Variants in PPP1R12A observed in about 807,000 individuals in gnomAD.
The protein encoded by PPP1R12A is protein phosphatase 1 regulatory subunit 12A.
Under a neutral mutation model 139.6 loss-of-function variants are expected in PPP1R12A, and 19 were observed. The ratio of observed to expected loss-of-function variants is 0.14; its 90% CI spans 0.09 to 0.20. The LOEUF is 0.20. Among genes scored for constraint, PPP1R12A ranks in the 10% least tolerant of loss-of-function variants. The pLI is 1.00. For synonymous variants in PPP1R12A, 427 were observed against 420.6 expected (o/e 1.02, Z -0.19); for missense variants, 925 against 1,211.5 (o/e 0.76, Z 3.51).
At chr12:79,821,038 A>G (rs1319834982) in intron 7 of PPP1R12A, 40 bp downstream of exon 7, 3 of 1,593,794 alleles carry the variant, frequency 1.9e-6, no homozygotes, top group African/African-American at 2.7e-5. Flanking sequence ...ATGCCAACTC[A>G]TTAACAAAAA....
At chr12:79,817,625 A>T in intron 8 of PPP1R12A, 107 bp from the exon 9 acceptor site, 2 of 1,126,656 alleles carry the variant, frequency 1.8e-6, no homozygotes, top group Non-Finnish European at 2.4e-6. Context: ...TTGTTAACTA[A>T]AAGTCTTTCC....
chr12:79,889,847 T>C (rs1355966722), intron 1 of PPP1R12A, among the ~76,000 whole-genome samples: 2 of 152,134 alleles, frequency 1.3e-5, no homozygotes, highest in Non-Finnish European at 2.9e-5. Flanking sequence ...CCATGTCCAG[T>C]GAAGGTCTGC....
chr12:79,830,586 T>C (rs970577781), intron 4 of PPP1R12A, among the ~76,000 whole-genome samples: 23 of 152,154 alleles, frequency 1.5e-4, no homozygotes, highest in Non-Finnish European at 2.8e-4. Context: ...CTAGTAAGAG[T>C]GCCTTTTCCT....
At chr12:79,922,090 CTAA>C (rs1230529751) in intron 1 of PPP1R12A, among the ~76,000 whole-genome samples, 2 of 152,012 alleles carry the variant, frequency 1.3e-5, no homozygotes, top group African/African-American at 2.4e-5. Context: ...GTCTCTACTA[CTAA>C]TAATAATGAT....
chr12:79,829,766 A>G (rs542350740), intron 4 of PPP1R12A, among the ~76,000 whole-genome samples: 1 of 152,146 alleles, frequency 6.6e-6, no homozygotes, highest in Non-Finnish European at 1.5e-5. Flanking sequence ...AAATATGAAC[A>G]ATAATAATGT....
chr12:79,870,512 AAC>A (rs1218747465), intron 2 of PPP1R12A, among the ~76,000 whole-genome samples: 2 of 152,230 alleles, frequency 1.3e-5, no homozygotes, highest in African/African-American at 2.4e-5. Context: ...CTTTTATAAA[AAC>A]AGTCATTATT....
At position 79,811,416 on chromosome 12, in the gene PPP1R12A, C is replaced by A. The variant is rs1180608680; in HGVS notation, c.1240-1406G>T. Among the ~76,000 whole-genome samples the A allele has an allele frequency of 3.3e-5, 5 of 152,156 alleles. No individual in the cohort carries two copies. The East Asian group carries it at 9.6e-4, about 29-fold the overall frequency. ...GAATATTTTAAAGTTTTGAGAGAAGCACAGTGACATCTCATAGACACTGCA... is the reference window on the plus strand; with the variant it reads ...GAATATTTTAAAGTTTTGAGAGAAGAACAGTGACATCTCATAGACACTGCA... On this transcript the variant is annotated intron_variant, in intron 9 of 24. Coordinates refer to ENST00000450142, the MANE Select transcript of PPP1R12A (RefSeq NM_002480.3).
intron 1 of PPP1R12A, among the ~76,000 whole-genome samples, chr12:79,877,844 T>G (rs1883258237): frequency 6.6e-6 from 1 of 152,202 alleles, no homozygotes; most frequent in Non-Finnish European, 1.5e-5. Context: ...TTCACCTTTT[T>G]TTCTCAACCT....
intron 2 of PPP1R12A, among the ~76,000 whole-genome samples, chr12:79,848,232 AAG>A (rs1879638113): frequency 6.6e-6 from 1 of 152,214 alleles, no homozygotes; most frequent in South Asian, 2.1e-4. Context: ...TAAAACTAAA[AAG>A]AATATTTCCT....
At position 79,808,589 on chromosome 12, in the gene PPP1R12A, G is replaced by C; in HGVS notation, c.1456-12C>G. On this transcript the variant is annotated splice_polypyrimidine_tract_variant and intron_variant, in intron 10 of 24. Transcript: ENST00000450142. The stretch of plus-strand genomic sequence containing the variant: ...TTACTATCTTTCTCCTACACAACAG[G>C]GAAAAAAATAAGTAAAAATTAATTT... The C allele has an allele frequency of 6.6e-7, 1 of 1,524,758 alleles. No individual in the cohort carries two copies. The highest frequency in any genetic ancestry group is 9.0e-7 in the Non-Finnish European group (1 of 1,109,906). 94.5% of individuals were successfully genotyped at this position (1,524,758 alleles called of 1,614,324 possible).
chr12:79,836,511 T>C (rs954811300), intron 3 of PPP1R12A, among the ~76,000 whole-genome samples: 15 of 152,204 alleles, frequency 9.9e-5, no homozygotes, highest in Admixed American at 9.8e-4. Context: ...ACAAAGCAAT[T>C]ACCCTCTTTA....
chr12:79,876,407 A>G (rs550332963), intron 1 of PPP1R12A, among the ~76,000 whole-genome samples: 35 of 152,318 alleles, frequency 2.3e-4, no homozygotes, highest in African/African-American at 7.0e-4. Flanking sequence ...GGCTCAATAA[A>G]TGAATTAATG....
At chr12:79,819,897 A>G (rs372504726) in intron 8 of PPP1R12A, among the ~76,000 whole-genome samples, 3 of 152,136 alleles carry the variant, frequency 2.0e-5, no homozygotes, top group East Asian at 1.9e-4. Context: ...TCAGAATGGA[A>G]ACAGACATAT....
chr12:79,869,903 C>CTATTATTATTATTATTAT (rs200825139), intron 2 of PPP1R12A, among the ~76,000 whole-genome samples: 7 of 145,452 alleles, frequency 4.8e-5, no homozygotes, highest in African/African-American at 1.8e-4. Context: ...ACTATTGTCT[C>CTATTATTATTATTATTAT]TATTATTATT....
At chr12:79,884,605 A>G (rs1231344501) in intron 1 of PPP1R12A, among the ~76,000 whole-genome samples, 1 of 152,202 alleles carries the variant, frequency 6.6e-6, no homozygotes, top group Non-Finnish European at 1.5e-5. Flanking sequence ...TAAGAAAAAC[A>G]AGACTTGCTG....
intron 1 of PPP1R12A, among the ~76,000 whole-genome samples, chr12:79,931,529 T>G (rs1209660105): frequency 2.0e-5 from 3 of 152,188 alleles, no homozygotes; most frequent in Non-Finnish European, 2.9e-5. Flanking sequence ...CCCTGTATTT[T>G]ATGCACACCA....
chr12:79,775,405 G>C lies in PPP1R12A; in HGVS notation c.*524C>G, dbSNP rs1450380005. On this transcript the variant is annotated 3_prime_UTR_variant, in exon 25 of 25. Transcript: ENST00000450142. The stretch of plus-strand genomic sequence containing the variant: ...ATGAAAAAGCTGTGAAAACATAGAA[G>C]ACTCTGCCACATGAAGAGTTTAGAA... The C allele has an allele frequency of 1.3e-5, 2 of 152,252 alleles. No individual in the cohort carries two copies. The highest frequency in any genetic ancestry group is 2.9e-5 in the Non-Finnish European group (2 of 68,046). 9.4% of individuals were successfully genotyped at this position (152,252 alleles called of 1,614,324 possible). A position where few individuals can be genotyped will look rare whatever the true frequency, so the allele number is the denominator to read the frequency against.
chr12:79,878,025 C>T (rs1397044884), intron 1 of PPP1R12A, among the ~76,000 whole-genome samples: 1 of 151,694 alleles, frequency 6.6e-6, no homozygotes, highest in African/African-American at 2.4e-5. Flanking sequence ...TGGGGAAATG[C>T]CCACAATATA....
intron 3 of PPP1R12A, among the ~76,000 whole-genome samples, chr12:79,844,172 T>C (rs1384627121): frequency 1.3e-5 from 2 of 152,082 alleles, no homozygotes; most frequent in East Asian, 3.8e-4. Flanking sequence ...TACTCATCAC[T>C]CTTGAGTAAT....
Sources: allele counts gnomAD v4.1 joint callset (sites outside exome capture counted in the v4.1 genomes callset), GRCh38; gene constraint gnomAD v4.1.1; transcripts MANE v1.5; gene names NCBI Gene and HGNC (gene_info 2026-07-23, HGNC 2026-07-21).